Variants in EPB41L3 observed in about 807,000 individuals in gnomAD.
The protein encoded by EPB41L3 is band 4.1-like protein 3.
Under a neutral mutation model 127.1 loss-of-function variants are expected in EPB41L3, and 57 were observed. The ratio of observed to expected loss-of-function variants is 0.45; its 90% CI spans 0.36 to 0.56. The LOEUF (loss-of-function observed/expected upper bound fraction) is 0.56. EPB41L3 is among the 20% of genes least tolerant of loss of function. The probability of loss-of-function intolerance (pLI) is 0.00; values close to 1 mark genes in which losing one functional copy is unlikely to be tolerated. For missense variants in EPB41L3, 1,273 were observed against 1,372.2 expected (o/e 0.93, Z 1.14); for synonymous variants, 572 against 549.5 (o/e 1.04, Z -0.57).
At chr18:5,541,698 T>C (rs1016600595) in intron 1 of EPB41L3, among the ~76,000 whole-genome samples, 1 of 152,222 alleles carries the variant, frequency 6.6e-6, no homozygotes. Flanking sequence ...GCAGTGTACA[T>C]GAACTGATAA....
chr18:5,543,497 C>G lies in EPB41L3; in HGVS notation c.-12+416G>C, dbSNP rs1285240448. On this transcript the variant is annotated intron_variant, in intron 1 of 22. Coordinates refer to ENST00000341928, the MANE Select transcript of EPB41L3 (RefSeq NM_012307.5). The surrounding 1 kb of genome is among the most constrained non-coding windows in gnomAD (Gnocchi z 5.2). Reference sequence around the variant, plus strand: ...GGCCGGCCCGCGCTCGCCCCCAGCCCGAGGGGCAACTTAAAACATGGCGCC... The same window carrying G: ...GGCCGGCCCGCGCTCGCCCCCAGCCGGAGGGGCAACTTAAAACATGGCGCC... The G allele has an allele frequency of 6.8e-6, 1 of 147,360 alleles. No homozygotes were observed. Among genetic ancestry groups the G allele is most frequent in the Non-Finnish European group, 1.5e-5 (1 of 66,210 alleles). 9.1% of individuals were successfully genotyped at this position (147,360 alleles called of 1,614,324 possible). A position where few individuals can be genotyped will look rare whatever the true frequency, so the allele number is the denominator to read the frequency against.
At chr18:5,565,601 TCCCTCCC>T (rs1346336862) in intron 3 of EPB41L3, among the ~76,000 whole-genome samples, 3 of 120,438 alleles carry the variant, frequency 2.5e-5, no homozygotes, top group Non-Finnish European at 5.3e-5. Flanking sequence ...GTTATTGTTA[TCCCTCCC>T]CCCTCCCCCC....
At chr18:5,509,818 T>A (rs1249456847) in intron 1 of EPB41L3, among the ~76,000 whole-genome samples, 1 of 152,240 alleles carries the variant, frequency 6.6e-6, no homozygotes, top group African/African-American at 2.4e-5. Context: ...GACTTTGTTA[T>A]CTTGTTTGCA....
At position 5,439,890 on chromosome 18, in the gene EPB41L3, T is replaced by G. The variant is rs555156836; in HGVS notation, c.530-1780A>C. Among the ~76,000 whole-genome samples the G allele has an allele frequency of 8.5e-5, 13 of 152,354 alleles. No individual in the cohort carries two copies. In the South Asian group the frequency reaches 2.7e-3, roughly 32 times the overall value. Reference sequence around the variant, plus strand: ...TTATGGGAAATGGATTTATTGCTCTTTTATAATTTTTATTCACTTCAAAGC... The same window carrying G: ...TTATGGGAAATGGATTTATTGCTCTGTTATAATTTTTATTCACTTCAAAGC... On this transcript the variant is annotated intron_variant, in intron 5 of 22. Coordinates refer to ENST00000341928, the MANE Select transcript of EPB41L3 (RefSeq NM_012307.5).
intron 1 of EPB41L3, among the ~76,000 whole-genome samples, chr18:5,542,368 C>T (rs1045323151): frequency 2.0e-5 from 3 of 152,158 alleles, no homozygotes; most frequent in African/African-American, 7.2e-5. Flanking sequence ...TGTTTTTAAG[C>T]ACTTGGTGTG....
At position 5,398,013 on chromosome 18, in the gene EPB41L3, A is replaced by T. The variant is rs535379381; in HGVS notation, c.2472+8T>A. The T allele has an allele frequency of 6.2e-6, 10 of 1,613,904 alleles. No homozygotes were observed. The highest frequency in any genetic ancestry group is 8.5e-6 in the Non-Finnish European group (10 of 1,179,950). On this transcript the variant is annotated splice_region_variant and intron_variant, in intron 17 of 22. Transcript: ENST00000341928. The stretch of plus-strand genomic sequence containing the variant: ...TCAGAAACACCAAGGACGAAAACAA[A>T]TGGCCACCTGAACCCAGCTTTGAGA...
upstream of EPB41L3, among the ~76,000 whole-genome samples, chr18:5,546,695 T>C (rs2093886565): frequency 6.6e-6 from 1 of 152,178 alleles, no homozygotes; most frequent in Non-Finnish European, 1.5e-5. Context: ...CTATTATTTT[T>C]TTCCCCCTAG....
intron 3 of EPB41L3, among the ~76,000 whole-genome samples, chr18:5,610,706 A>T (rs1036698894): frequency 1.8e-5 from 1 of 57,076 alleles, no homozygotes; most frequent in Non-Finnish European, 5.2e-5. Context: ...ACTCACAAAG[A>T]ATATAAATTA....
intron 3 of EPB41L3, among the ~76,000 whole-genome samples, chr18:5,465,249 T>C (rs1177083958): frequency 6.6e-6 from 1 of 152,198 alleles, no homozygotes; most frequent in Non-Finnish European, 1.5e-5. Flanking sequence ...TGCTTCCTAT[T>C]CTTATTTAAT....
At chr18:5,448,872 C>T (rs1425698204) in intron 3 of EPB41L3, among the ~76,000 whole-genome samples, 1 of 152,064 alleles carries the variant, frequency 6.6e-6, no homozygotes, top group African/African-American at 2.4e-5. Context: ...CATACTGAGT[C>T]CAACAATCAA....
Position 5,416,002 on chromosome 18 carries a change from C to A in EPB41L3, c.1883G>T (p.Arg628Leu), listed in dbSNP as rs745854933. 1.9e-6 allele frequency: 3 copies of A among 1,613,802 alleles called. No individual in the cohort carries two copies. The highest frequency in any genetic ancestry group is 1.7e-5 in the Admixed American group (1 of 59,966). ...GAAACAGGGCACAAGGGACGGTGAG[C>A]GGATCGGGAGGTAATGCTGCAAGCT... is the stretch of plus-strand genomic sequence containing the variant. ...PQSLQHYLPI[R>L]SPSLVPCFLF... The change falls in exon 13 of 23, where the codon CGC becomes CTC. Residue 628 changes from arginine to leucine, a missense_variant. This residue lies in a region of EPB41L3 where 765 missense variants were observed against 782.9 expected (regional missense o/e 0.98). Coordinates refer to ENST00000341928, the MANE Select transcript of EPB41L3 (RefSeq NM_012307.5).
intron 3 of EPB41L3, among the ~76,000 whole-genome samples, chr18:5,551,160 C>T (rs1056563594): frequency 6.6e-6 from 1 of 152,138 alleles, no homozygotes; most frequent in African/African-American, 2.4e-5. Context: ...TGTCTCAATG[C>T]CTATTCCCAA....
At chr18:5,505,441 C>A (rs560866322) in intron 1 of EPB41L3, among the ~76,000 whole-genome samples, 3 of 152,004 alleles carry the variant, frequency 2.0e-5, no homozygotes, top group Admixed American at 2.0e-4. Context: ...CTTCACCAGA[C>A]CTCCACCTAA....
At chr18:5,489,953 CT>C (rs1243765593) in intron 1 of EPB41L3, among the ~76,000 whole-genome samples, 1 of 152,192 alleles carries the variant, frequency 6.6e-6, no homozygotes, top group Non-Finnish European at 1.5e-5. Context: ...CTGATACATC[CT>C]TTAAAAAGAC....
At position 5,518,611 on chromosome 18, in the gene EPB41L3, A is replaced by G. The variant is rs184514167; in HGVS notation, c.-12+25302T>C. 6.8e-3 allele frequency: 1,042 copies of G among 152,332 alleles called. 11 individuals are homozygous for G. The highest frequency in any genetic ancestry group is 7.5e-3 in the Non-Finnish European group (511 of 68,036). The allele number at this position is 152,332 out of a possible 1,614,324, so 9.4% of individuals were successfully genotyped here. On this transcript the variant is annotated intron_variant, in intron 1 of 22. Transcript: ENST00000341928. The stretch of plus-strand genomic sequence containing the variant: ...AGTCCTAGAAGAATGCCTGGGACTT[A>G]ACCACAGGCAATCAGAAAGTCTTTG...
intron 1 of EPB41L3, among the ~76,000 whole-genome samples, chr18:5,537,170 C>T (rs988939525): frequency 1.4e-4 from 21 of 152,128 alleles, no homozygotes; most frequent in African/African-American, 3.9e-4. Flanking sequence ...CACTCTGATA[C>T]GTAATACATT....
intron 2 of EPB41L3, among the ~76,000 whole-genome samples, chr18:5,612,836 G>T (rs564638203): frequency 6.6e-6 from 1 of 152,298 alleles, no homozygotes; most frequent in South Asian, 2.1e-4. Flanking sequence ...CGCCTCCAGG[G>T]TTCAAGCAAT....
chr18:5,540,978 G>C (rs1047577337), intron 1 of EPB41L3, among the ~76,000 whole-genome samples: 2 of 151,560 alleles, frequency 1.3e-5, no homozygotes, highest in African/African-American at 2.4e-5. Flanking sequence ...CCAGCTACTC[G>C]GGAGGCTGAG....
chr18:5,487,211 T>C (rs1277388570), intron 2 of EPB41L3, among the ~76,000 whole-genome samples: 1 of 151,796 alleles, frequency 6.6e-6, no homozygotes, highest in Non-Finnish European at 1.5e-5. Flanking sequence ...TTACGTTAAG[T>C]GAAATAAGCC....
Sources: gnomAD v4.1 joint callset for allele counts (sites outside exome capture counted in the v4.1 genomes callset) on GRCh38, gnomAD v4.1.1 for gene constraint, gnomAD v4.1.1 regional missense constraint, Gnocchi (gnomAD v3.1) non-coding constraint, MANE v1.5 for transcripts, NCBI Gene and HGNC (gene_info 2026-07-23, HGNC 2026-07-21) for gene names.